LRRK1: variants seen among roughly 807,000 people sequenced by gnomAD.
LRRK1 encodes the protein leucine rich repeat kinase 1.
A neutral mutation model predicts 209.1 loss-of-function variants in LRRK1; 113 were observed. That is an observed-to-expected ratio of 0.54 (90% CI 0.46 to 0.63). LRRK1 has a LOEUF of 0.63. Ranked by LOEUF, LRRK1 falls within the 30% of genes least tolerant of loss-of-function variation. The pLI is 0.00. For synonymous variants in LRRK1, 1,144 were observed against 1,099.7 expected, an observed-to-expected ratio of 1.04 and a Z score of -0.80; for missense variants, 2,284 against 2,632.2, an observed-to-expected ratio of 0.87 and a Z score of 2.89.
Position 101,008,904 on chromosome 15 carries a change from C to T in LRRK1, c.830C>T (p.Ser277Phe). The part of the protein sequence containing the change: ...WVDLDWLIDI[S>F]CQITELDLSA... ...GACCTAGACTGGCTCATAGACATCT[C>T]CTGCCAGATCACGGAGCTCGACCTT... is the stretch of plus-strand genomic sequence containing the variant. Residue 277 changes from serine to phenylalanine, a missense_variant, in exon 7 of 34, where the codon TCC becomes TTC. By Grantham distance (155) the Ser-to-Phe change is radical (BLOSUM62 -2). Around this residue, in one of 6 missense-constraint regions of LRRK1, gnomAD observed 494 missense variants for 522.1 expected, o/e 0.95. Transcript: ENST00000388948. 1 of 1,614,240 alleles carries T rather than the reference C, an allele frequency of 6.2e-7. No homozygotes were observed. The highest frequency in any genetic ancestry group is 8.5e-7 in the Non-Finnish European group (1 of 1,180,036).
At chr15:101,001,648 T>C (rs2032697279) in intron 6 of LRRK1, among the ~76,000 whole-genome samples, 1 of 152,234 alleles carries the variant, frequency 6.6e-6, no homozygotes, top group South Asian at 2.1e-4. Context: ...GGGCCAAGAA[T>C]TGACAAGTTC....
intron 20 of LRRK1, among the ~76,000 whole-genome samples, chr15:101,030,025 A>G (rs1238145429): frequency 6.6e-6 from 1 of 152,222 alleles, no homozygotes; most frequent in African/African-American, 2.4e-5. Context: ...CATTCCATAT[A>G]GTAGCTGATC....
rs1301340706 is a variant in LRRK1, at chr15:101,051,257, T to C, written c.3440-454T>C. On this transcript the variant is annotated intron_variant, in intron 23 of 33. Transcript: ENST00000388948. ...GTGTCCGGTGACTGAGTTTCGTCTA[T>C]GATAATTTGCACTCATTTCTGCCCC... Among the ~76,000 whole-genome samples the C allele has an allele frequency of 2.0e-5, 3 of 152,364 alleles. No individual in the cohort carries two copies. The East Asian group carries it at 5.8e-4, about 29-fold the overall frequency.
At chr15:101,023,886 G>A (rs773035918) in intron 15 of LRRK1, among the ~76,000 whole-genome samples, 5 of 152,190 alleles carry the variant, frequency 3.3e-5, no homozygotes, top group African/African-American at 9.6e-5. Context: ...TAGCTGACTC[G>A]AGTCTGAAGG....
In LRRK1 at chr15:101,070,333, T is replaced by C. The variant is rs1455897741; in HGVS notation, c.*1485T>C. 3.8e-4 allele frequency: 55 copies of C among 143,256 alleles called. No individual in the cohort carries two copies. The highest frequency in any genetic ancestry group is 6.3e-4 in the Admixed American group (9 of 14,310). The allele number at this position is 143,256 out of a possible 1,614,324, so 8.9% of individuals were successfully genotyped here. ...CTTTTTTTTTTTTTTTTTTTTTTTT[T>C]TACCAACCTGGGCACCAAGTCCCAG... is the stretch of plus-strand genomic sequence containing the variant. On this transcript the variant is annotated 3_prime_UTR_variant, in exon 34 of 34. Transcript: ENST00000388948.
At chr15:100,986,156 T>C (rs1596238521) in intron 4 of LRRK1, among the ~76,000 whole-genome samples, 1 of 152,186 alleles carries the variant, frequency 6.6e-6, no homozygotes, top group South Asian at 2.1e-4. Context: ...CAGTCAGCTA[T>C]GATCACATTA....
rs1386896584 is a variant in LRRK1 at position 101,024,787 on chromosome 15, C to T, written c.2068-16C>T. On this transcript the variant is annotated splice_polypyrimidine_tract_variant and intron_variant, in intron 15 of 33. Transcript: ENST00000388948. This position sits in a 1 kb window ranked among gnomAD's most constrained non-coding sequence, Gnocchi z 4.6. ...CTCTAAAATGCCTCCCTGTCGCTGCCTTGTTGCTCAAGTAGGTTGAGTCCG... is the reference window on the plus strand; with the variant it reads ...CTCTAAAATGCCTCCCTGTCGCTGCTTTGTTGCTCAAGTAGGTTGAGTCCG... 3 of 1,603,368 alleles carry T rather than the reference C, an allele frequency of 1.9e-6. No homozygotes were observed. The highest frequency in any genetic ancestry group is 2.6e-6 in the Non-Finnish European group (3 of 1,171,206).
At chr15:100,930,220 A>T (rs2042185469) in intron 2 of LRRK1, among the ~76,000 whole-genome samples, 1 of 152,194 alleles carries the variant, frequency 6.6e-6, no homozygotes, top group Admixed American at 6.5e-5. Context: ...TGGAGTCACT[A>T]AAAGCAGATG....
At position 101,065,592 on chromosome 15, in the gene LRRK1, G is replaced by T; in HGVS notation, c.5155G>T (p.Ala1719Ser). Residue 1719 changes from alanine to serine, a missense_variant, in exon 32 of 34, where the codon GCC becomes TCC. Coordinates refer to ENST00000388948, the MANE Select transcript of LRRK1 (RefSeq NM_024652.6). ...GCCGGGCCTCCTTGTCATCGACTGT[G>T]CCTCCCTGGAGATCTGCAGGCGGCT... ...NGPGLLVIDC[A>S]SLEICRRLEP... 2 of 1,614,230 alleles carry T rather than the reference G, an allele frequency of 1.2e-6. No individual in the cohort carries two copies. Among genetic ancestry groups the T allele is most frequent in the Non-Finnish European group, 1.7e-6 (2 of 1,180,032 alleles).
At position 101,024,969 on chromosome 15, in the gene LRRK1, TGAGGACACCAGACGCCA is replaced by T; in HGVS notation, c.2232+4_2232+20del. 6.2e-7 allele frequency: 1 copy of T among 1,612,252 alleles called. No individual in the cohort carries two copies. The highest frequency in any genetic ancestry group is 8.5e-7 in the Non-Finnish European group (1 of 1,179,336). Reference sequence around the variant, plus strand: ...CAGTTCTGGCTGCTCAACATCGAGGTGAGGACACCAGACGCCAGCCCTGCCATTTCAGTGCCCAGAGC... The same window carrying T: ...CAGTTCTGGCTGCTCAACATCGAGGTGCCCTGCCATTTCAGTGCCCAGAGC... On this transcript the variant is annotated splice_donor_5th_base_variant and intron_variant, in intron 16 of 33. Coordinates refer to ENST00000388948, the MANE Select transcript of LRRK1 (RefSeq NM_024652.6). The surrounding 1 kb of genome is among the most constrained non-coding windows in gnomAD (Gnocchi z 4.6).
intron 6 of LRRK1, among the ~76,000 whole-genome samples, chr15:100,998,118 T>G (rs1424050401): frequency 6.7e-6 from 1 of 150,192 alleles, no homozygotes; most frequent in Non-Finnish European, 1.5e-5. Flanking sequence ...GAGGCAAGGT[T>G]GCAGTGAGCC....
intron 2 of LRRK1, among the ~76,000 whole-genome samples, chr15:100,956,455 C>CTTTTTTTTTTTTTTT (rs776326423): frequency 4.5e-4 from 27 of 60,506 alleles, no homozygotes; most frequent in African/African-American, 5.1e-4. Context: ...TTTTTTTTTT[C>CTTTTTTTTTTTTTTT]TTTTTTTTTT....
intron 2 of LRRK1, among the ~76,000 whole-genome samples, chr15:100,925,966 G>A (rs745401049): frequency 6.6e-6 from 1 of 152,198 alleles, no homozygotes; most frequent in Non-Finnish European, 1.5e-5. Flanking sequence ...ACCCTTAACC[G>A]TGTTAACTAA....
At chr15:100,972,333 TATGAGA>T (rs1363209861) in intron 2 of LRRK1, among the ~76,000 whole-genome samples, 57 of 121,584 alleles carry the variant, frequency 4.7e-4, no homozygotes, top group Admixed American at 2.7e-3. Context: ...TATATATATA[TATGAGA>T]GAGAGAGAGA....
At chr15:100,952,342 G>A (rs543687710) in intron 2 of LRRK1, among the ~76,000 whole-genome samples, 7 of 152,186 alleles carry the variant, frequency 4.6e-5, no homozygotes, top group Non-Finnish European at 8.8e-5. Flanking sequence ...ATAAAGCTGT[G>A]ATCTTTTAAA....
chr15:101,024,641 G>T lies in LRRK1; in HGVS notation c.2068-162G>T, dbSNP rs553470008. Reference sequence around the variant, plus strand: ...CCACCGGGCCCCTGTCCCTCGCCCAGATAACTGTTTCCTAAGAAACAATAG... The same window carrying T: ...CCACCGGGCCCCTGTCCCTCGCCCATATAACTGTTTCCTAAGAAACAATAG... On this transcript the variant is annotated intron_variant, in intron 15 of 33. Transcript: ENST00000388948. The surrounding 1 kb of genome is among the most constrained non-coding windows in gnomAD (Gnocchi z 4.6). 6.6e-6 allele frequency among the ~76,000 whole-genome samples: 1 copy of T among 152,354 alleles called. No homozygotes were observed. The highest frequency in any genetic ancestry group is 1.9e-4 in the East Asian group (1 of 5,186).
In LRRK1 at chr15:101,024,667, A is replaced by C; in HGVS notation, c.2068-136A>C. The stretch of plus-strand genomic sequence containing the variant: ...ATAACTGTTTCCTAAGAAACAATAG[A>C]GTGTCCAGAACTTTTCCACGGTTGT... On this transcript the variant is annotated intron_variant, in intron 15 of 33. Transcript: ENST00000388948. This position sits in a 1 kb window ranked among gnomAD's most constrained non-coding sequence, Gnocchi z 4.6. 2.2e-6 allele frequency: 2 copies of C among 905,642 alleles called. No homozygotes were observed. Among genetic ancestry groups the C allele is most frequent in the Non-Finnish European group, 3.4e-6 (2 of 592,062 alleles). 56.1% of individuals were successfully genotyped at this position (905,642 alleles called of 1,614,324 possible).
intron 2 of LRRK1, among the ~76,000 whole-genome samples, chr15:100,937,376 C>G (rs1481422760): frequency 6.6e-6 from 1 of 152,038 alleles, no homozygotes; most frequent in East Asian, 1.9e-4. Flanking sequence ...ATTTAGTTCC[C>G]CTTTTTTATT....
In LRRK1 at chr15:101,046,071, T is replaced by C. The variant is rs779030331; in HGVS notation, c.3054T>C (p.Phe1018=). ...CAGCCAACACCATTCAGAGGGTATTTAAGATGAGCTTCGTTCCCGTTGGCT... is the reference window on the plus strand; with the variant it reads ...CAGCCAACACCATTCAGAGGGTATTCAAGATGAGCTTCGTTCCCGTTGGCT... ...HPTANTIQRV[F]KMSFVPVGFW... The change falls in exon 21 of 34, where the codon TTT becomes TTC. Residue 1018 remains phenylalanine (F), a synonymous_variant. Transcript: ENST00000388948. The C allele has an allele frequency of 6.2e-6, 10 of 1,614,216 alleles. No homozygotes were observed. The highest frequency in any genetic ancestry group is 8.5e-6 in the Non-Finnish European group (10 of 1,180,044).
Sources: gnomAD v4.1 joint callset for allele counts (sites outside exome capture counted in the v4.1 genomes callset) on GRCh38, gnomAD v4.1.1 for gene constraint, gnomAD v4.1.1 regional missense constraint, Gnocchi (gnomAD v3.1) non-coding constraint, MANE v1.5 for transcripts, NCBI Gene and HGNC (gene_info 2026-07-23, HGNC 2026-07-21) for gene names.